Variants in NCAPG2 observed in about 807,000 individuals in gnomAD.
NCAPG2 encodes condensin-2 complex subunit G2.
A neutral mutation model predicts 141.1 loss-of-function variants in NCAPG2; 53 were observed. The ratio of observed to expected loss-of-function variants is 0.38; its 90% confidence interval spans 0.30 to 0.47. The LOEUF is 0.47. NCAPG2 is among the 20% of genes least tolerant of loss of function. NCAPG2 has a pLI of 0.99. For missense variants in NCAPG2, 1,087 were observed against 1,389.0 expected (o/e 0.78, Z 3.46); for synonymous variants, 499 against 490.7 (o/e 1.02, Z -0.22).
chr7:158,641,480 G>C, intron 27 of NCAPG2: 1 of 679,776 alleles, frequency 1.5e-6, no homozygotes, highest in Non-Finnish European at 2.7e-6. Context: ...AATTGGGACT[G>C]AGGCAGAAGG....
chr7:158,644,468 A>G (rs1178659815), intron 26 of NCAPG2, 80 bp from the exon 27 acceptor site: 7 of 1,247,700 alleles, frequency 5.6e-6, no homozygotes, highest in Non-Finnish European at 8.2e-6. Flanking sequence ...CATGTGGTAC[A>G]ACTTCCCTAA....
At chr7:158,672,379 G>A (rs62478293) in intron 12 of NCAPG2, among the ~76,000 whole-genome samples, 2 of 106,262 alleles carry the variant, frequency 1.9e-5, no homozygotes, top group Middle Eastern at 0.01. Context: ...GTCTCACTCC[G>A]TTGCCCAGGC....
chr7:158,672,305 TATATATATATATATATATATA>T (rs1833757792), intron 12 of NCAPG2, among the ~76,000 whole-genome samples: 1 of 18,168 alleles, frequency 5.5e-5, no homozygotes, highest in African/African-American at 2.2e-4. Flanking sequence ...TATATATATA[TATATATATATATATATATATA>T]TATTTTTTTT....
At chr7:158,654,126 T>C (rs2129458824) in intron 22 of NCAPG2, among the ~76,000 whole-genome samples, 1 of 152,268 alleles carries the variant, frequency 6.6e-6, no homozygotes, top group Admixed American at 6.5e-5. Context: ...TCGAGGGCTG[T>C]CCTCTCACTC....
chr7:158,683,374 C>A lies in NCAPG2; in HGVS notation c.850G>T (p.Asp284Tyr). Residue 284 changes from aspartate to tyrosine, a missense_variant, in exon 9 of 28, where the codon GAT (aspartate) becomes TAT (tyrosine). Asp to Tyr is a radical substitution (Grantham distance 160, BLOSUM62 -3). Transcript: ENST00000356309. ...TGGAACATGAAGTCCTGGATGCAAT[C>A]ATTTTCAATCGCCTGAAATAACAAA... The part of the protein sequence containing the change: ...SGKILEAIEN[D>Y]CIQDFMFHGI... The A allele has an allele frequency of 6.2e-7, 1 of 1,603,654 alleles. No individual in the cohort carries two copies. The highest frequency in any genetic ancestry group is 8.5e-7 in the Non-Finnish European group (1 of 1,175,874).
intron 11 of NCAPG2, among the ~76,000 whole-genome samples, chr7:158,678,967 G>A (rs1489416524): frequency 6.6e-6 from 1 of 152,118 alleles, no homozygotes; most frequent in Non-Finnish European, 1.5e-5. Flanking sequence ...CCAAGTAGCT[G>A]GGACCACAGG....
At chr7:158,699,790 T>C (rs1835673659) in intron 2 of NCAPG2, among the ~76,000 whole-genome samples, 1 of 152,232 alleles carries the variant, frequency 6.6e-6, no homozygotes, top group Admixed American at 6.5e-5. Context: ...ATGCTTACTA[T>C]AGTATTTATG....
In NCAPG2 at chr7:158,683,139, T is replaced by C. The variant is rs566192454; in HGVS notation, c.924+161A>G. The stretch of plus-strand genomic sequence containing the variant: ...ACCTTTGCTTTCCTCATTAAAACTT[T>C]GGTGGCAGGAATAAAACTGCCAGAC... On this transcript the variant is annotated intron_variant, in intron 9 of 27. Transcript: ENST00000356309. 1.1e-3 allele frequency among the ~76,000 whole-genome samples: 164 copies of C among 152,342 alleles called. 2 individuals are homozygous for C. The highest frequency in any genetic ancestry group is 3.8e-3 in the African/African-American group (158 of 41,574).
In NCAPG2 at chr7:158,703,958, G is replaced by A. The variant is rs565910993; in HGVS notation, c.-40+766C>T. Among the ~76,000 whole-genome samples the A allele has an allele frequency of 1.4e-4, 21 of 152,264 alleles. No homozygotes were observed. In the East Asian group the frequency reaches 2.3e-3, roughly 17 times the overall value. On this transcript the variant is annotated intron_variant, in intron 1 of 27. Transcript: ENST00000356309. ...GCAGTACCGACACCCAGGACTGAGG[G>A]GACTCTCTCTGAGGGCAGTTCCCAT...
chr7:158,646,439 C>T (rs1831024971), intron 25 of NCAPG2, 21 bp downstream of exon 25: 2 of 1,557,056 alleles, frequency 1.3e-6, no homozygotes, highest in Non-Finnish European at 1.8e-6. Context: ...CATTTCAGGA[C>T]AGTAAAGAGA....
Position 158,654,685 on chromosome 7 carries a change from T to A in NCAPG2, c.2656A>T (p.Thr886Ser). The change falls in exon 22 of 28, where the codon ACT (threonine) becomes TCT (serine). Residue 886 changes from threonine (T) to serine (S), a missense_variant. Coordinates refer to ENST00000356309, the MANE Select transcript of NCAPG2 (RefSeq NM_017760.7). Reference protein sequence around the residue: ...IYQQIIQTYLTVCKDVVMVGL... With the variant: ...IYQQIIQTYLSVCKDVVMVGL... ...ACCATAACAACATCTTTACACACAG[T>A]CAGGTAGGTCTGTAAGAGACAGACA... 6.2e-7 allele frequency: 1 copy of A among 1,613,534 alleles called. No homozygotes were observed. Among genetic ancestry groups the A allele is most frequent in the South Asian group, 1.1e-5 (1 of 90,940 alleles).
At chr7:158,643,973 C>T (rs750436902) in intron 27 of NCAPG2, among the ~76,000 whole-genome samples, 4 of 152,130 alleles carry the variant, frequency 2.6e-5, no homozygotes, top group Non-Finnish European at 4.4e-5. Context: ...TGGGAAACGC[C>T]CATGGTTTCA....
chr7:158,654,716 T>C (rs1250335378), intron 21 of NCAPG2, 22 bp from the exon 22 acceptor site: 2 of 1,602,434 alleles, frequency 1.2e-6, no homozygotes. Flanking sequence ...AGACACAGCT[T>C]AGCAACAAAG....
chr7:158,656,454 A>G, intron 18 of NCAPG2, 21 bp from the exon 19 acceptor site: 1 of 1,611,564 alleles, frequency 6.2e-7, no homozygotes, highest in Non-Finnish European at 8.5e-7. Flanking sequence ...AGAGAGAGAA[A>G]CTGATAATGA....
At chr7:158,659,578 T>C (rs905786594) in intron 16 of NCAPG2, among the ~76,000 whole-genome samples, 1 of 152,038 alleles carries the variant, frequency 6.6e-6, no homozygotes, top group Non-Finnish European at 1.5e-5. Context: ...GCAGCTAAAT[T>C]ATTATTACTA....
At chr7:158,667,159 AT>A (rs1833030295) in intron 13 of NCAPG2, 1 of 985,332 alleles carries the variant, frequency 1.0e-6, no homozygotes, top group Non-Finnish European at 1.2e-6. Flanking sequence ...TCACAACCAA[AT>A]GGCTGTCTGC....
Position 158,664,451 on chromosome 7 carries a change from A to G in NCAPG2, c.1702+77T>C, listed in dbSNP as rs1050561856. 3.9e-6 allele frequency: 6 copies of G among 1,541,658 alleles called. No homozygotes were observed. The Admixed American group carries it at 5.4e-5, about 14-fold the overall frequency. ...AAGTATGAAGCTTATTAAATTGACA[A>G]ATACTGAACTCTGTAATTTGTATTA... On this transcript the variant is annotated intron_variant, in intron 14 of 27. Transcript: ENST00000356309.
chr7:158,675,762 T>C, intron 11 of NCAPG2, 106 bp from the exon 12 acceptor site: 1 of 1,193,132 alleles, frequency 8.4e-7, no homozygotes, highest in East Asian at 2.6e-5. Context: ...AGAGAAACTT[T>C]GAGCATAGAA....
rs1563528402 is a variant in NCAPG2 at position 158,662,288 on chromosome 7, C to G, written c.1895G>C (p.Ser632Thr). The G allele has an allele frequency of 1.9e-6, 3 of 1,610,782 alleles. No individual in the cohort carries two copies. The East Asian group carries it at 6.7e-5, about 36-fold the overall frequency. The change falls in exon 16 of 28, where the codon AGT becomes ACT. Residue 632 changes from serine to threonine, a missense_variant. Transcript: ENST00000356309. Reference protein sequence around the residue: ...LLEIIVILWKSIDRSMENNKE... With the variant: ...LLEIIVILWKTIDRSMENNKE... ...ATTATTTTCCATACTTCTGTCAATA[C>G]TTTTCCAGAGAATCACAATGATTTC...
Sources: allele counts gnomAD v4.1 joint callset (sites outside exome capture counted in the v4.1 genomes callset), GRCh38; gene constraint gnomAD v4.1.1; transcripts MANE v1.5; gene names NCBI Gene and HGNC (gene_info 2026-07-23, HGNC 2026-07-21).